REV1: variants seen among roughly 807,000 people sequenced by gnomAD.
The protein encoded by REV1 is REV1 DNA directed polymerase.
Under a neutral mutation model 137.4 loss-of-function variants are expected in REV1, and 42 were observed. That is an observed-to-expected ratio of 0.31 (90% CI 0.24 to 0.40). The LOEUF is 0.40. Ranked by LOEUF, REV1 falls within the 10% of genes least tolerant of loss-of-function variation. REV1 has a pLI of 1.00. For synonymous variants in REV1, 524 were observed against 519.2 expected, an observed-to-expected ratio of 1.01 and a Z score of -0.12; for missense variants, 1,282 against 1,490.1, an observed-to-expected ratio of 0.86 and a Z score of 2.30.
intron 9 of REV1, among the ~76,000 whole-genome samples, chr2:99,427,145 G>A (rs901675206): frequency 6.6e-6 from 1 of 152,160 alleles, no homozygotes; most frequent in Non-Finnish European, 1.5e-5. Flanking sequence ...TAGCACCACT[G>A]CACTCCAGCC....
chr2:99,456,761 G>C (rs926345679), intron 3 of REV1, among the ~76,000 whole-genome samples: 1 of 152,168 alleles, frequency 6.6e-6, no homozygotes, highest in African/African-American at 2.4e-5. Context: ...CTTAGACAGG[G>C]AAGGAGGCAA....
chr2:99,404,326 CT>C, intron 18 of REV1, 117 bp downstream of exon 18: 6 of 764,914 alleles, frequency 7.8e-6, no homozygotes, highest in Admixed American at 2.5e-5. Context: ...CTCCCCTCCC[CT>C]CCCCAGTGGA....
intron 3 of REV1, among the ~76,000 whole-genome samples, chr2:99,450,267 G>A (rs1682769883): frequency 6.6e-6 from 1 of 152,084 alleles, no homozygotes; most frequent in African/African-American, 2.4e-5. Context: ...AAGACACAAT[G>A]TGACTTATGC....
chr2:99,408,179 C>A (rs1180249669), intron 14 of REV1, 48 bp from the exon 15 acceptor site: 2 of 1,073,282 alleles, frequency 1.9e-6, no homozygotes, highest in East Asian at 4.9e-5. Flanking sequence ...CATATGTATT[C>A]ACTAGTACTA....
intron 12 of REV1, among the ~76,000 whole-genome samples, chr2:99,416,912 CAAAAAAAAAAA>C (rs755184253): frequency 1.3e-5 from 1 of 77,854 alleles, no homozygotes; most frequent in Admixed American, 1.3e-4. Flanking sequence ...GACTCCATCT[CAAAAAAAAAAA>C]AAAAAAAAAA....
At chr2:99,424,872 G>T in intron 9 of REV1, 5 of 1,303,412 alleles carry the variant, frequency 3.8e-6, no homozygotes, top group Non-Finnish European at 5.1e-6. Flanking sequence ...CTCTGGGCAG[G>T]AGCCAGGGTT....
chr2:99,455,859 G>C (rs547314769), intron 3 of REV1, among the ~76,000 whole-genome samples: 3 of 151,976 alleles, frequency 2.0e-5, no homozygotes, highest in African/African-American at 7.3e-5. Flanking sequence ...GTTTCATTTT[G>C]TGAATTGTGC....
chr2:99,449,015 G>A (rs554374956), intron 4 of REV1, among the ~76,000 whole-genome samples: 10 of 152,272 alleles, frequency 6.6e-5, no homozygotes, highest in South Asian at 2.1e-4. Flanking sequence ...AAGGCCATGC[G>A]CAGTGGTTGT....
In REV1 at chr2:99,400,631, G is replaced by T. The variant is rs1487339183; in HGVS notation, c.*610C>A. ...AGACAACACCACCTCTGATCTACGG[G>T]ACATAATGTTCCCAGGAAAAAAATC... On this transcript the variant is annotated 3_prime_UTR_variant, in exon 23 of 23. Transcript: ENST00000258428. 1 of 152,140 alleles carries T rather than the reference G, an allele frequency of 6.6e-6. No homozygotes were observed. Among genetic ancestry groups the T allele is most frequent in the African/African-American group, 2.4e-5 (1 of 41,410 alleles). 9.4% of individuals were successfully genotyped at this position (152,140 alleles called of 1,614,324 possible). A position where few individuals can be genotyped will look rare whatever the true frequency, so the allele number is the denominator to read the frequency against.
chr2:99,402,361 A>C lies in REV1; in HGVS notation c.3542-15T>G, dbSNP rs368639067. On this transcript the variant is annotated splice_polypyrimidine_tract_variant and intron_variant, in intron 21 of 22. Coordinates refer to ENST00000258428, the MANE Select transcript of REV1 (RefSeq NM_016316.4). ...TTCCATTGGATCTAGGAAGGGGGAA[A>C]AACTTCAAATGAGGACCAGTCTTTT... The C allele has an allele frequency of 7.7e-7, 1 of 1,291,060 alleles. No homozygotes were observed. The highest frequency in any genetic ancestry group is 2.3e-5 in the East Asian group (1 of 42,720). The allele number at this position is 1,291,060 out of a possible 1,614,324, so 80.0% of individuals were successfully genotyped here.
At position 99,451,545 on chromosome 2, in the gene REV1, T is replaced by C. The variant is rs889396282; in HGVS notation, c.182-2041A>G. 13 of 1,235,104 alleles carry C rather than the reference T, an allele frequency of 1.1e-5. No homozygotes were observed. The Admixed American group carries it at 1.8e-4, about 18-fold the overall frequency. The allele number at this position is 1,235,104 out of a possible 1,614,324, so 76.5% of individuals were successfully genotyped here. ...CACATAAACTATGGAATAAGACCGA[T>C]CTGAGTTTAATCTTAGCTTTCACAC... On this transcript the variant is annotated intron_variant, in intron 3 of 22. Transcript: ENST00000258428.
chr2:99,411,053 G>A (rs1420376518), intron 13 of REV1, among the ~76,000 whole-genome samples, 186 bp from the exon 14 acceptor site: 4 of 152,144 alleles, frequency 2.6e-5, no homozygotes, highest in East Asian at 1.9e-4. Context: ...TTGAGAGGCC[G>A]AGGCTGGTGG....
chr2:99,425,937 G>A (rs996632064), intron 9 of REV1, among the ~76,000 whole-genome samples: 1 of 152,184 alleles, frequency 6.6e-6, no homozygotes, highest in African/African-American at 2.4e-5. Flanking sequence ...TTGGGAGGCT[G>A]AGGCAGGATA....
intron 3 of REV1, among the ~76,000 whole-genome samples, chr2:99,452,838 G>A (rs1220178924): frequency 1.3e-5 from 2 of 152,170 alleles, no homozygotes; most frequent in African/African-American, 2.4e-5. Context: ...TCACAAATTA[G>A]AGACGCCATA....
At chr2:99,480,381 C>T (rs1329423689) in intron 1 of REV1, among the ~76,000 whole-genome samples, 2 of 152,166 alleles carry the variant, frequency 1.3e-5, no homozygotes, top group Non-Finnish European at 2.9e-5. Context: ...TATGTAGGAA[C>T]ATGGCCAGAT....
chr2:99,427,667 G>C (rs1423287954), intron 9 of REV1, among the ~76,000 whole-genome samples: 2 of 152,028 alleles, frequency 1.3e-5, no homozygotes, highest in African/African-American at 4.8e-5. Flanking sequence ...CTGTTGGATG[G>C]CCACAAAACA....
intron 11 of REV1, among the ~76,000 whole-genome samples, chr2:99,419,152 G>A (rs562053760): frequency 3.3e-5 from 5 of 150,912 alleles, no homozygotes; most frequent in Admixed American, 6.6e-5. Flanking sequence ...TTGCTCTAAC[G>A]CAAGTGCCAC....
At chr2:99,404,316 C>G (rs1189753391) in intron 18 of REV1, 128 bp downstream of exon 18, 1 of 692,816 alleles carries the variant, frequency 1.4e-6, no homozygotes, top group African/African-American at 1.8e-5. Flanking sequence ...CTCCCCTCCC[C>G]TCCCCTCCCC....
At position 99,403,692 on chromosome 2, in the gene REV1, C is replaced by T. The variant is rs755029031; in HGVS notation, c.3166+3G>A. ...TTTGTTACATGCCACTTCCAAGGCT[C>T]ACCAGATGCGCTGGCTGACTGCTGG... is the stretch of plus-strand genomic sequence containing the variant. On this transcript the variant is annotated splice_donor_region_variant and intron_variant, in intron 19 of 22. Coordinates refer to ENST00000258428, the MANE Select transcript of REV1 (RefSeq NM_016316.4). 1.2e-6 allele frequency: 2 copies of T among 1,614,166 alleles called. No individual in the cohort carries two copies. Among genetic ancestry groups the T allele is most frequent in the South Asian group, 1.1e-5 (1 of 91,086 alleles).
Sources: gnomAD v4.1 joint callset for allele counts (sites outside exome capture counted in the v4.1 genomes callset) on GRCh38, gnomAD v4.1.1 for gene constraint, MANE v1.5 for transcripts, NCBI Gene and HGNC (gene_info 2026-07-23, HGNC 2026-07-21) for gene names.